The following NOTO variants were observed in gnomAD, a reference collection of about 807,000 sequenced individuals.
NOTO encodes notochord homeobox.
A neutral mutation model predicts 20.5 loss-of-function variants in NOTO; 19 were observed. The ratio of observed to expected loss-of-function variants is 0.93; its 90% CI spans 0.65 to 1.36. The LOEUF is 1.36. Ranked by LOEUF, NOTO falls within the 40% of genes most tolerant of loss-of-function variation. The pLI, the probability that NOTO is intolerant of heterozygous loss-of-function variation, is 0.00. For missense variants in NOTO, 369 were observed against 336.2 expected (o/e 1.10, Z -0.76); for synonymous variants, 150 against 150.2 (o/e 1.00, Z 0.01).
intron 1 of NOTO, among the ~76,000 whole-genome samples, chr2:73,204,904 C>T (rs1434965494): frequency 2.2e-5 from 2 of 91,908 alleles, no homozygotes; most frequent in East Asian, 3.3e-4. Flanking sequence ...TTTTTTGAGG[C>T]GGAGTCTTGC....
Position 73,210,765 on chromosome 2 carries a change from T to C in NOTO, c.598-6T>C, listed in dbSNP as rs1686167184. On this transcript the variant is annotated splice_region_variant and splice_polypyrimidine_tract_variant and intron_variant, in intron 2 of 2. Coordinates refer to ENST00000398468, the MANE Select transcript of NOTO (RefSeq NM_001134462.2). ...ATTCTGATCTCTGCCCACTCTCCAA[T>C]TATAGGTGAGAGTCTGGTTCCAGAA... 2 of 1,546,588 alleles carry C rather than the reference T, an allele frequency of 1.3e-6. No individual in the cohort carries two copies. Among genetic ancestry groups the C allele is most frequent in the Non-Finnish European group, 1.7e-6 (2 of 1,144,000 alleles).
chr2:73,203,086 C>T, intron 1 of NOTO, 38 bp downstream of exon 1: 1 of 1,366,890 alleles, frequency 7.3e-7, no homozygotes, highest in Non-Finnish European at 9.4e-7. Context: ...GGGGACTGGG[C>T]GGGGGCTGGA....
At position 73,202,743 on chromosome 2, in the gene NOTO, G is replaced by A. The variant is rs935053907; in HGVS notation, c.77G>A (p.Arg26His). 6.6e-6 allele frequency: 10 copies of A among 1,518,922 alleles called. No homozygotes were observed. The African/African-American group carries it at 1.4e-4, about 22-fold the overall frequency. The allele number at this position is 1,518,922 out of a possible 1,614,324, so 94.1% of individuals were successfully genotyped here. Residue 26 changes from arginine to histidine, a missense_variant, in exon 1 of 3, where the codon CGC becomes CAC. Arg to His is a conservative substitution (Grantham distance 29). Coordinates refer to ENST00000398468, the MANE Select transcript of NOTO (RefSeq NM_001134462.2). ...CGGGTCCGACCTCCGCGCTCTGGCC[G>A]CTCTCCGGCGCCCAGGTCCCCTACT... ...GSRVRPPRSG[R>H]SPAPRSPTGP...
chr2:73,206,616 G>A (rs1180794523), intron 1 of NOTO, among the ~76,000 whole-genome samples: 1 of 152,000 alleles, frequency 6.6e-6, no homozygotes, highest in African/African-American at 2.4e-5. Context: ...TGGGATTATA[G>A]GCATGAGCCA....
chr2:73,202,865 C>T lies in NOTO; in HGVS notation c.199C>T (p.Gln67Ter). 6.5e-7 allele frequency: 1 copy of T among 1,526,890 alleles called. No individual in the cohort carries two copies. The highest frequency in any genetic ancestry group is 2.0e-5 in the Admixed American group (1 of 50,414). 94.6% of individuals were successfully genotyped at this position (1,526,890 alleles called of 1,614,324 possible). A position where few individuals can be genotyped will look rare whatever the true frequency, so the allele number is the denominator to read the frequency against. ...CGACCCCTGCGCGCCGGCGGCCTCC[C>T]AGCCGTCGGGCTCCGCCTGCGTCCA... ...RPDPCAPAAS[Q>*]PSGSACVHPA... Residue 67 changes from glutamine to a stop codon, truncating the protein, a stop_gained, in exon 1 of 3, where the codon CAG becomes TAG. Transcript: ENST00000398468. LOFTEE classifies it high-confidence loss of function.
intron 1 of NOTO, among the ~76,000 whole-genome samples, chr2:73,207,555 CA>C (rs1329835973): frequency 6.6e-6 from 1 of 152,004 alleles, no homozygotes; most frequent in Non-Finnish European, 1.5e-5. Context: ...TGATGACTCC[CA>C]ATTTTTTTTT....
chr2:73,210,755 C>T lies in NOTO; in HGVS notation c.598-16C>T. On this transcript the variant is annotated splice_polypyrimidine_tract_variant and intron_variant, in intron 2 of 2. Transcript: ENST00000398468. The stretch of plus-strand genomic sequence containing the variant: ...TGATGGTCACATTCTGATCTCTGCC[C>T]ACTCTCCAATTATAGGTGAGAGTCT... The T allele has an allele frequency of 6.5e-7, 1 of 1,540,560 alleles. No individual in the cohort carries two copies. The highest frequency in any genetic ancestry group is 1.2e-5 in the South Asian group (1 of 82,434).
In NOTO at chr2:73,208,422, A is replaced by G. The variant is rs943418196; in HGVS notation, c.405A>G (p.Ser135=). 1.3e-6 allele frequency: 2 copies of G among 1,551,462 alleles called. No individual in the cohort carries two copies. The highest frequency in any genetic ancestry group is 2.0e-5 in the Admixed American group (1 of 50,974). Residue 135 remains serine (S), a synonymous_variant, in exon 2 of 3, where the codon TCA becomes TCG. Transcript: ENST00000398468. The stretch of plus-strand genomic sequence containing the variant: ...TAGGGTTGGAGCTGGCTCACTGCTC[A>G]GGACTCTGGGCCTTCCCAGACTGGG... ...GVTGLELAHC[S]GLWAFPDWAP...
intron 1 of NOTO, among the ~76,000 whole-genome samples, chr2:73,204,538 C>G (rs1028796522): frequency 2.0e-5 from 3 of 152,178 alleles, no homozygotes; most frequent in African/African-American, 4.8e-5. Context: ...AGTGCATTAA[C>G]CCTTGGACTC....
rs763001329 is a variant in NOTO at position 73,204,870 on chromosome 2, A to ATTTTTTTTTTTTTTTTTTTTTTT, written c.382+1830_382+1831insTTTTTTTTTTTTTTTTTTTTTTT. On this transcript the variant is annotated intron_variant, in intron 1 of 2. Transcript: ENST00000398468. ...CAAGCCCCAGCACCATGCCCGGCTAATTTTTTTTATTTTTTTATTTTTTTT... is the reference window on the plus strand; with the variant it reads ...CAAGCCCCAGCACCATGCCCGGCTAATTTTTTTTTTTTTTTTTTTTTTTTTTTTTTTATTTTTTTATTTTTTTT... Among the ~76,000 whole-genome samples the ATTTTTTTTTTTTTTTTTTTTTTT allele has an allele frequency of 2.2e-5, 2 of 93,014 alleles. 1 individual carries two copies. 61.0% of individuals were successfully genotyped at this position (93,014 alleles called of 152,430 possible).
intron 2 of NOTO, among the ~76,000 whole-genome samples, chr2:73,209,531 A>G (rs193258660): frequency 2.6e-5 from 4 of 152,154 alleles, no homozygotes; most frequent in African/African-American, 9.6e-5. Flanking sequence ...CCCATCCCTT[A>G]TTGAAACATG....
chr2:73,204,369 G>C (rs1284842704), intron 1 of NOTO, among the ~76,000 whole-genome samples: 1 of 152,148 alleles, frequency 6.6e-6, no homozygotes, highest in African/African-American at 2.4e-5. Flanking sequence ...GCCATTTTTG[G>C]TTGCCAGGTT....
chr2:73,209,940 T>C (rs1686154950), intron 2 of NOTO, among the ~76,000 whole-genome samples: 3 of 152,128 alleles, frequency 2.0e-5, no homozygotes, highest in African/African-American at 7.2e-5. Flanking sequence ...TTGAGCCTTG[T>C]CATCTCTACC....
At position 73,202,654 on chromosome 2, in the gene NOTO, C is replaced by A; in HGVS notation, c.-13C>A. ...GCTCCCTTCCTTGCGTCCGTCCGGG[C>A]AACGGCCGCGTCATGCCTAGCCCCA... On this transcript the variant is annotated 5_prime_UTR_variant, in exon 1 of 3. Transcript: ENST00000398468. 2.1e-6 allele frequency: 3 copies of A among 1,439,058 alleles called. No homozygotes were observed. Among genetic ancestry groups the A allele is most frequent in the Admixed American group, 2.8e-5 (1 of 35,624 alleles). The allele number at this position is 1,439,058 out of a possible 1,614,324, so 89.1% of individuals were successfully genotyped here. A position where few individuals can be genotyped will look rare whatever the true frequency, so the allele number is the denominator to read the frequency against.
intron 1 of NOTO, among the ~76,000 whole-genome samples, chr2:73,207,337 A>C (rs1025977813): frequency 2.0e-5 from 3 of 151,804 alleles, no homozygotes; most frequent in African/African-American, 4.8e-5. Context: ...AGCCCTGAGG[A>C]CTCCCCAAGG....
Position 73,210,873 on chromosome 2 carries a change from A to G in NOTO, c.700A>G (p.Ser234Gly). The stretch of plus-strand genomic sequence containing the variant: ...GGCTGCCTCCCTGGATGAGCCTTCC[A>G]GCAGCTCCATCGCCAGTATCCAGAG... ...AEAASLDEPS[S>G]SSIASIQSDD... is the part of the protein sequence containing the mutation. Residue 234 changes from serine (S) to glycine (G), a missense_variant, in exon 3 of 3, where the codon AGC (serine) becomes GGC (glycine). Ser to Gly is a moderately conservative substitution (Grantham distance 56, BLOSUM62 0). Transcript: ENST00000398468. 1.9e-6 allele frequency: 3 copies of G among 1,551,704 alleles called. No homozygotes were observed. The highest frequency in any genetic ancestry group is 2.6e-6 in the Non-Finnish European group (3 of 1,146,966).
At chr2:73,206,967 G>A (rs1378491677) in intron 1 of NOTO, among the ~76,000 whole-genome samples, 2 of 151,778 alleles carry the variant, frequency 1.3e-5, no homozygotes, top group African/African-American at 4.8e-5. Flanking sequence ...GCTAATTTTT[G>A]TATTTTTAGT....
At chr2:73,205,689 G>A in intron 1 of NOTO, among the ~76,000 whole-genome samples, 1 of 151,836 alleles carries the variant, frequency 6.6e-6, no homozygotes, top group Non-Finnish European at 1.5e-5. Flanking sequence ...ACTCATGCTG[G>A]AGTGCAGTGG....
chr2:73,205,564 C>G (rs528170936), intron 1 of NOTO, among the ~76,000 whole-genome samples: 1 of 152,246 alleles, frequency 6.6e-6, no homozygotes, highest in South Asian at 2.1e-4. Context: ...GTGTATTGGC[C>G]TTTGACTTTG....
Sources: gnomAD v4.1 joint callset for allele counts (sites outside exome capture counted in the v4.1 genomes callset) on GRCh38, gnomAD v4.1.1 for gene constraint, MANE v1.5 for transcripts, NCBI Gene and HGNC (gene_info 2026-07-23, HGNC 2026-07-21) for gene names.